Variants in SCD5 observed in about 807,000 individuals in gnomAD.
SCD5 encodes the protein stearoyl-CoA desaturase 5.
In SCD5, 20 loss-of-function variants were observed where a neutral mutation model predicts 30.4. That is an observed-to-expected ratio of 0.66 (90% CI 0.46 to 0.96). The LOEUF is 0.96. Ranked by LOEUF, SCD5 falls within the 40% of genes least tolerant of loss-of-function variation. The pLI is 0.00. For missense variants in SCD5, 381 were observed against 443.3 expected (o/e 0.86, Z 1.26); for synonymous variants, 173 against 176.4 (o/e 0.98, Z 0.16).
chr4:82,661,478 T>C (rs1728006514), intron 3 of SCD5, among the ~76,000 whole-genome samples: 1 of 152,244 alleles, frequency 6.6e-6, no homozygotes, highest in Non-Finnish European at 1.5e-5. Flanking sequence ...TTCACAAATA[T>C]GTATGAATCA....
At chr4:82,691,085 G>C (rs182129369) in intron 2 of SCD5, among the ~76,000 whole-genome samples, 1 of 152,208 alleles carries the variant, frequency 6.6e-6, no homozygotes, top group Non-Finnish European at 1.5e-5. Flanking sequence ...GAGTGCAGTG[G>C]TGCGATCTTG....
At chr4:82,720,441 T>TACAAAAAAAAAGAAAAAAAAAAAAAAAA (rs778480466) in intron 1 of SCD5, among the ~76,000 whole-genome samples, 1 of 77,938 alleles carries the variant, frequency 1.3e-5, no homozygotes, top group Non-Finnish European at 2.4e-5. Context: ...AAGGCAAAAA[T>TACAAAAAAAAAGAAAAAAAAAAAAAAAA]AAAAAAAAAA....
intron 1 of SCD5, among the ~76,000 whole-genome samples, chr4:82,753,790 C>T (rs536491581): frequency 6.6e-6 from 1 of 152,114 alleles, no homozygotes; most frequent in Non-Finnish European, 1.5e-5. Flanking sequence ...CACATACCCC[C>T]CTGACAGAAG....
chr4:82,703,756 A>C (rs1330746854), intron 2 of SCD5, among the ~76,000 whole-genome samples: 1 of 152,258 alleles, frequency 6.6e-6, no homozygotes, highest in Non-Finnish European at 1.5e-5. Context: ...AATAATAGAA[A>C]TGTTTTATAA....
chr4:82,705,224 C>T (rs781124327), intron 2 of SCD5, 59 bp downstream of exon 2: 21 of 1,592,620 alleles, frequency 1.3e-5, no homozygotes, highest in Non-Finnish European at 1.7e-5. Flanking sequence ...TCTTTCCCCT[C>T]CTCCCATACT....
intron 3 of SCD5, among the ~76,000 whole-genome samples, chr4:82,650,348 C>T (rs563542752): frequency 2.1e-4 from 32 of 152,166 alleles, no homozygotes; most frequent in African/African-American, 7.2e-4. Context: ...CTTCATTCAC[C>T]CCAGGAAAAT....
In SCD5 at chr4:82,710,275, TACAA is replaced by T. The variant is rs540603331; in HGVS notation, c.233-4866_233-4863del. Among the ~76,000 whole-genome samples, 7 of 152,266 alleles carry T rather than the reference TACAA, an allele frequency of 4.6e-5. No homozygotes were observed. In the East Asian group the frequency reaches 1.4e-3, roughly 29 times the overall value. On this transcript the variant is annotated intron_variant, in intron 1 of 4. Transcript: ENST00000319540. ...ACCATGTGGCCCCACCTTCTCGATT[TACAA>T]ACAGAGAGATAAGATCCAGAGAGCA...
At chr4:82,771,438 G>GA (rs984856687) in intron 1 of SCD5, among the ~76,000 whole-genome samples, 25 of 152,212 alleles carry the variant, frequency 1.6e-4, no homozygotes, top group African/African-American at 5.5e-4. Context: ...AGAAAAGAAA[G>GA]AAACTAATTT....
intron 1 of SCD5, among the ~76,000 whole-genome samples, chr4:82,770,010 T>A (rs754882262): frequency 2.6e-4 from 39 of 152,292 alleles, no homozygotes; most frequent in Admixed American, 1.7e-3. Context: ...TTCTGTAAAC[T>A]TCCTGTCACA....
chr4:82,714,152 A>G (rs1239809454), intron 1 of SCD5, among the ~76,000 whole-genome samples: 1 of 152,162 alleles, frequency 6.6e-6, no homozygotes, highest in African/African-American at 2.4e-5. Flanking sequence ...CCATGCTGTT[A>G]CTTCTCTTAT....
At position 82,631,820 on chromosome 4, in the gene SCD5, G is replaced by A. The variant is rs146701636; in HGVS notation, c.803-303C>T. 4.6e-5 allele frequency among the ~76,000 whole-genome samples: 7 copies of A among 152,202 alleles called. No homozygotes were observed. In the East Asian group the frequency reaches 1.2e-3, roughly 25 times the overall value. On this transcript the variant is annotated intron_variant, in intron 4 of 4. Coordinates refer to ENST00000319540, the MANE Select transcript of SCD5 (RefSeq NM_001037582.3). Reference sequence around the variant, plus strand: ...GCTAAATGGCTGATAACAGATCATCGTTTTGATGTACAACTGTTTTTAAAA... The same window carrying A: ...GCTAAATGGCTGATAACAGATCATCATTTTGATGTACAACTGTTTTTAAAA...
At chr4:82,712,268 A>T (rs1240810817) in intron 1 of SCD5, among the ~76,000 whole-genome samples, 1 of 45,778 alleles carries the variant, frequency 2.2e-5, no homozygotes, top group Non-Finnish European at 3.6e-5. Context: ...ATATATATAT[A>T]TATATATATA....
chr4:82,641,880 C>T (rs1320642452), intron 3 of SCD5, among the ~76,000 whole-genome samples: 1 of 151,736 alleles, frequency 6.6e-6, no homozygotes, highest in Non-Finnish European at 1.5e-5. Flanking sequence ...AGGATGACAC[C>T]AAGGATTAAG....
At chr4:82,638,180 C>T (rs905871821) in intron 3 of SCD5, among the ~76,000 whole-genome samples, 1 of 152,172 alleles carries the variant, frequency 6.6e-6, no homozygotes, top group Non-Finnish European at 1.5e-5. Flanking sequence ...TGATCTTGTT[C>T]CCTTTTATGG....
intron 4 of SCD5, among the ~76,000 whole-genome samples, chr4:82,635,059 G>A (rs926807368): frequency 6.6e-6 from 1 of 152,204 alleles, no homozygotes; most frequent in Non-Finnish European, 1.5e-5. Context: ...TCATCACTGA[G>A]TGACACAGAG....
At chr4:82,762,510 T>C (rs1323628689) in intron 1 of SCD5, among the ~76,000 whole-genome samples, 4 of 152,204 alleles carry the variant, frequency 2.6e-5, no homozygotes, top group Non-Finnish European at 4.4e-5. Context: ...CCCAAAGTGC[T>C]GGGATTACAG....
At chr4:82,787,261 C>T (rs1173060372) in intron 1 of SCD5, among the ~76,000 whole-genome samples, 4 of 151,850 alleles carry the variant, frequency 2.6e-5, no homozygotes, top group African/African-American at 9.7e-5. Flanking sequence ...AAGTATGTCA[C>T]CATGGAGAAT....
rs776726814 is a variant in SCD5 at position 82,798,674 on chromosome 4, TCTCCCGGG to T, written c.-145_-138del. 458 of 731,564 alleles carry T rather than the reference TCTCCCGGG, an allele frequency of 6.3e-4. No homozygotes were observed. The highest frequency in any genetic ancestry group is 9.5e-4 in the Non-Finnish European group (440 of 461,742). The allele number at this position is 731,564 out of a possible 1,614,324, so 45.3% of individuals were successfully genotyped here. A position where few individuals can be genotyped will look rare whatever the true frequency, so the allele number is the denominator to read the frequency against. Reference sequence around the variant, plus strand: ...CGTCCAGTCCCCTCCTTCCAGCCCTTCTCCCGGGCTCCTGCGCTCTTCCCCAGGGTCTT... The same window carrying T: ...CGTCCAGTCCCCTCCTTCCAGCCCTTCTCCTGCGCTCTTCCCCAGGGTCTT... On this transcript the variant is annotated 5_prime_UTR_variant, in exon 1 of 5. Transcript: ENST00000319540.
chr4:82,795,002 A>G (rs981347880), intron 1 of SCD5, among the ~76,000 whole-genome samples: 4 of 152,192 alleles, frequency 2.6e-5, no homozygotes, highest in African/African-American at 9.6e-5. Flanking sequence ...TGGGGGCACC[A>G]AGAGCATTCT....
Sources: gnomAD v4.1 joint callset for allele counts (sites outside exome capture counted in the v4.1 genomes callset) on GRCh38, gnomAD v4.1.1 for gene constraint, MANE v1.5 for transcripts, NCBI Gene and HGNC (gene_info 2026-07-23, HGNC 2026-07-21) for gene names.